The following GRM1 variants were observed in gnomAD, a reference collection of about 807,000 sequenced individuals.
The protein encoded by GRM1 is metabotropic glutamate receptor 1.
A neutral mutation model predicts 90.9 loss-of-function variants in GRM1; 33 were observed. That is an observed-to-expected ratio of 0.36 (90% CI 0.28 to 0.49). GRM1 has a LOEUF of 0.49. Ranked by LOEUF, GRM1 falls within the 20% of genes least tolerant of loss-of-function variation. The pLI, the probability that GRM1 is intolerant of heterozygous loss-of-function variation, is 0.99. For missense variants in GRM1, 1,190 were observed against 1,534.3 expected (o/e 0.78, Z 3.75); for synonymous variants, 700 against 613.2 (o/e 1.14, Z -2.09).
At chr6:146,075,790 C>T (rs1776164200) in intron 1 of GRM1, among the ~76,000 whole-genome samples, 1 of 152,172 alleles carries the variant, frequency 6.6e-6, no homozygotes, top group African/African-American at 2.4e-5. Context: ...CATTCCTTGG[C>T]TTGTAGCTGC....
chr6:146,139,660 A>C (rs1776761613), intron 1 of GRM1, among the ~76,000 whole-genome samples: 1 of 152,080 alleles, frequency 6.6e-6, no homozygotes, highest in Non-Finnish European at 1.5e-5. Flanking sequence ...CATGGAATAT[A>C]GTTTTTCATT....
intron 1 of GRM1, among the ~76,000 whole-genome samples, chr6:146,128,441 T>C (rs1245211825): frequency 6.6e-6 from 1 of 152,178 alleles, no homozygotes; most frequent in Admixed American, 6.5e-5. Context: ...ATCATCTCTA[T>C]TTTTGAGATA....
At chr6:146,135,445 T>A (rs1025733884) in intron 1 of GRM1, among the ~76,000 whole-genome samples, 8 of 152,230 alleles carry the variant, frequency 5.3e-5, no homozygotes, top group African/African-American at 1.9e-4. Context: ...TGGTGTGGAA[T>A]GAGCCTTTCC....
At chr6:146,110,825 C>T (rs748033665) in intron 1 of GRM1, among the ~76,000 whole-genome samples, 22 of 151,948 alleles carry the variant, frequency 1.4e-4, no homozygotes, top group Non-Finnish European at 2.2e-4. Context: ...GCAAGAAGTA[C>T]CTAGTTACTG....
At chr6:146,042,269 T>C (rs1329774189) in intron 1 of GRM1, among the ~76,000 whole-genome samples, 2 of 152,102 alleles carry the variant, frequency 1.3e-5, no homozygotes, top group Non-Finnish European at 2.9e-5. Flanking sequence ...ATAAATCAAT[T>C]GGAAGGGCAG....
intron 1 of GRM1, among the ~76,000 whole-genome samples, chr6:146,144,672 C>A (rs1777022622): frequency 6.6e-6 from 1 of 152,034 alleles, no homozygotes; most frequent in Non-Finnish European, 1.5e-5. Context: ...ATAATGAATA[C>A]CTGAAAATGT....
At chr6:146,336,897 C>T (rs989044231) in intron 3 of GRM1, among the ~76,000 whole-genome samples, 3 of 152,184 alleles carry the variant, frequency 2.0e-5, no homozygotes, top group African/African-American at 7.2e-5. Context: ...GATGTCCTGC[C>T]CTGGGGCCTG....
intron 3 of GRM1, among the ~76,000 whole-genome samples, chr6:146,313,214 A>T (rs1783836419): frequency 6.6e-6 from 1 of 152,192 alleles, no homozygotes; most frequent in Admixed American, 6.5e-5. Context: ...ATGCCTGCAA[A>T]CCAGTTACCT....
In GRM1 at chr6:146,104,236, T is replaced by C. The variant is rs1050634241; in HGVS notation, c.701-55112T>C. Among the ~76,000 whole-genome samples the C allele has an allele frequency of 5.9e-5, 9 of 152,000 alleles. No homozygotes were observed. In the South Asian group the frequency reaches 6.2e-4, roughly 11 times the overall value. On this transcript the variant is annotated intron_variant, in intron 1 of 7. Coordinates refer to ENST00000282753, the MANE Select transcript of GRM1 (RefSeq NM_001278064.2). Reference sequence around the variant, plus strand: ...CGGGCGGATCACGAGGTCAGGAGATTGAGACCATCCTGGCTAACACGGTGA... The same window carrying C: ...CGGGCGGATCACGAGGTCAGGAGATCGAGACCATCCTGGCTAACACGGTGA...
At chr6:146,396,021 C>G (rs896161400) in intron 6 of GRM1, among the ~76,000 whole-genome samples, 4 of 152,022 alleles carry the variant, frequency 2.6e-5, no homozygotes, top group Admixed American at 2.6e-4. Context: ...TAAATTAGTT[C>G]CCATATGGCC....
At chr6:146,395,551 G>A (rs866888305) in intron 6 of GRM1, among the ~76,000 whole-genome samples, 1 of 151,870 alleles carries the variant, frequency 6.6e-6, no homozygotes. Context: ...TCCATCAAAG[G>A]CTAATAATTA....
At chr6:146,151,065 C>T (rs1777316748) in intron 1 of GRM1, among the ~76,000 whole-genome samples, 1 of 152,088 alleles carries the variant, frequency 6.6e-6, no homozygotes, top group Non-Finnish European at 1.5e-5. Context: ...GCGACATTCT[C>T]TTGTTTGTCC....
chr6:146,252,194 C>T (rs1324827015), intron 2 of GRM1, among the ~76,000 whole-genome samples: 1 of 152,044 alleles, frequency 6.6e-6, no homozygotes, highest in Non-Finnish European at 1.5e-5. Context: ...AAAGAGTAAG[C>T]AGCAAAATAT....
intron 2 of GRM1, among the ~76,000 whole-genome samples, chr6:146,160,834 G>T (rs1361302326): frequency 1.3e-5 from 2 of 152,114 alleles, no homozygotes; most frequent in Non-Finnish European, 2.9e-5. Context: ...AGCATGAGGA[G>T]GTGTGGAGCC....
At chr6:146,289,874 A>G (rs1391823302) in intron 2 of GRM1, among the ~76,000 whole-genome samples, 3 of 152,220 alleles carry the variant, frequency 2.0e-5, no homozygotes, top group Non-Finnish European at 2.9e-5. Context: ...AGGTGAGTGT[A>G]AATAATGCAT....
chr6:146,113,966 G>A (rs1183766231), intron 1 of GRM1, among the ~76,000 whole-genome samples: 2 of 152,084 alleles, frequency 1.3e-5, no homozygotes, highest in Non-Finnish European at 2.9e-5. Flanking sequence ...ACCTTGAACT[G>A]AGCCATGTAC....
At chr6:146,133,459 G>T (rs1365470981) in intron 1 of GRM1, among the ~76,000 whole-genome samples, 1 of 152,216 alleles carries the variant, frequency 6.6e-6, no homozygotes, top group Non-Finnish European at 1.5e-5. Context: ...GATTAGGGGA[G>T]ATGACAGAGG....
chr6:146,077,429 T>G (rs994281033), intron 1 of GRM1, among the ~76,000 whole-genome samples: 14 of 152,188 alleles, frequency 9.2e-5, no homozygotes, highest in African/African-American at 3.4e-4. Flanking sequence ...CTCCTTACAC[T>G]GCTTTTTCTG....
At chr6:146,195,935 T>C (rs910132207) in intron 2 of GRM1, among the ~76,000 whole-genome samples, 4 of 152,174 alleles carry the variant, frequency 2.6e-5, no homozygotes, top group Admixed American at 2.0e-4. Flanking sequence ...GAGAGATAGC[T>C]ATGAAAAGGG....
Sources: gnomAD v4.1 joint callset for allele counts (sites outside exome capture counted in the v4.1 genomes callset) on GRCh38, gnomAD v4.1.1 for gene constraint, MANE v1.5 for transcripts, NCBI Gene and HGNC (gene_info 2026-07-23, HGNC 2026-07-21) for gene names.